Variants in TENM4 observed in about 807,000 individuals in gnomAD.
The protein encoded by TENM4 is teneurin-4.
In TENM4, 82 loss-of-function variants were observed where a neutral mutation model predicts 243.3. That is an observed-to-expected ratio of 0.34 (90% confidence interval 0.28 to 0.40). The LOEUF is 0.40. Among genes scored for constraint, TENM4 ranks in the 10% least tolerant of loss-of-function variants. The probability of loss-of-function intolerance (pLI) is 1.00; values close to 1 mark genes in which losing one functional copy is unlikely to be tolerated. For missense variants in TENM4, 3,138 were observed against 3,673.3 expected (o/e 0.85, Z 3.77); for synonymous variants, 1,412 against 1,456.3 (o/e 0.97, Z 0.69).
chr11:79,108,857 C>T (rs535935073), intron 4 of TENM4, among the ~76,000 whole-genome samples: 1 of 152,294 alleles, frequency 6.6e-6, no homozygotes, highest in South Asian at 2.1e-4. Context: ...TGGGCTCCTG[C>T]CCAGTTCCCT....
At chr11:79,094,830 T>C (rs1861041298) in intron 4 of TENM4, among the ~76,000 whole-genome samples, 1 of 152,134 alleles carries the variant, frequency 6.6e-6, no homozygotes, top group Admixed American at 6.5e-5. Context: ...CCAGGGAGTT[T>C]GCGGAAGATT....
At position 78,784,489 on chromosome 11, in the gene TENM4, A is replaced by G. The variant is rs114094878; in HGVS notation, c.2365+2409T>C. Among the ~76,000 whole-genome samples the G allele has an allele frequency of 4.4e-3, 672 of 152,312 alleles. 3 individuals are homozygous for G. The highest frequency in any genetic ancestry group is 0.015 in the African/African-American group (630 of 41,546). On this transcript the variant is annotated intron_variant, in intron 16 of 33. Coordinates refer to ENST00000278550, the MANE Select transcript of TENM4 (RefSeq NM_001098816.3). ...CAGAGAGAAGGTTACCATGCAGGAA[A>G]ATTAGACAAGGACGAAGAAAATGCT...
intron 1 of TENM4, among the ~76,000 whole-genome samples, chr11:79,407,314 T>C (rs1858594370): frequency 6.6e-6 from 1 of 152,242 alleles, no homozygotes; most frequent in South Asian, 2.1e-4. Context: ...TAATGAGGGA[T>C]ATAATTTAAA....
At chr11:78,868,058 G>C (rs907790106) in intron 9 of TENM4, among the ~76,000 whole-genome samples, 1 of 130,278 alleles carries the variant, frequency 7.7e-6, no homozygotes, top group Non-Finnish European at 1.6e-5. Flanking sequence ...AAATGATTTG[G>C]AAGACAGAGC....
chr11:78,906,564 C>T (rs1856066852), intron 6 of TENM4, among the ~76,000 whole-genome samples: 1 of 152,208 alleles, frequency 6.6e-6, no homozygotes. Flanking sequence ...TAAAAACTAA[C>T]TTCTAAAAGG....
chr11:79,214,691 C>G (rs1201227030), intron 3 of TENM4, among the ~76,000 whole-genome samples: 1 of 152,186 alleles, frequency 6.6e-6, no homozygotes, highest in Non-Finnish European at 1.5e-5. Flanking sequence ...CAGGCAGGAC[C>G]ACAGGGCTAG....
At position 79,438,166 on chromosome 11, in the gene TENM4, G is replaced by T. The variant is rs1194387580; in HGVS notation, c.-321+2343C>A. Among the ~76,000 whole-genome samples, 1 of 152,252 alleles carries T rather than the reference G, an allele frequency of 6.6e-6. No individual in the cohort carries two copies. The highest frequency in any genetic ancestry group is 1.9e-4 in the East Asian group (1 of 5,162). On this transcript the variant is annotated intron_variant, in intron 1 of 33. Transcript: ENST00000278550. This position sits in a 1 kb window ranked among gnomAD's most constrained non-coding sequence, Gnocchi z 4.1. ...CCATCTCCTGACTGCGGGCTGGGGG[G>T]AAGGGAGTTCAGGGCCAATGTGTCC...
intron 6 of TENM4, among the ~76,000 whole-genome samples, chr11:78,998,102 T>C (rs1858223055): frequency 6.6e-6 from 1 of 152,242 alleles, no homozygotes; most frequent in Non-Finnish European, 1.5e-5. Context: ...CTGTCTGTTG[T>C]TCAAGCCACT....
At chr11:78,674,469 G>A (rs1358500959) in intron 30 of TENM4, among the ~76,000 whole-genome samples, 1 of 152,306 alleles carries the variant, frequency 6.6e-6, no homozygotes. Context: ...CATGCTAATC[G>A]CTGCCATTTA....
chr11:78,774,888 T>C (rs11237617), intron 17 of TENM4, among the ~76,000 whole-genome samples: 1 of 152,200 alleles, frequency 6.6e-6, no homozygotes, highest in Non-Finnish European at 1.5e-5. Context: ...ATGAGATATA[T>C]CATCTGCCCT....
At chr11:78,936,976 A>G (rs1333728597) in intron 6 of TENM4, among the ~76,000 whole-genome samples, 1 of 152,212 alleles carries the variant, frequency 6.6e-6, no homozygotes, top group Non-Finnish European at 1.5e-5. Flanking sequence ...CTTGATTGAA[A>G]AGTGACACTT....
chr11:79,084,654 A>G (rs751160415), intron 4 of TENM4, among the ~76,000 whole-genome samples: 3 of 142,324 alleles, frequency 2.1e-5, no homozygotes, highest in Non-Finnish European at 3.1e-5. Flanking sequence ...TAAAAGAAAA[A>G]TGATAAAACT....
chr11:79,243,061 C>A (rs150113256), intron 2 of TENM4, among the ~76,000 whole-genome samples: 2 of 152,140 alleles, frequency 1.3e-5, no homozygotes, highest in Non-Finnish European at 2.9e-5. Flanking sequence ...GGATTTCCAT[C>A]CCCCTTTCTG....
At chr11:79,439,585 CAAG>C (rs1356736127) in intron 1 of TENM4, among the ~76,000 whole-genome samples, 3 of 151,806 alleles carry the variant, frequency 2.0e-5, no homozygotes, top group Admixed American at 6.5e-5. Context: ...ACCCCCCCGC[CAAG>C]AAGGACTCAC....
chr11:79,236,282 C>T lies in TENM4; in HGVS notation c.-264-20373G>A, dbSNP rs1204955841. Among the ~76,000 whole-genome samples, 5 of 152,194 alleles carry T rather than the reference C, an allele frequency of 3.3e-5. No individual in the cohort carries two copies. In the East Asian group the frequency reaches 5.8e-4, roughly 18 times the overall value. ...CACCTCGTTATTTGTGGAAATCCTTCGGATGCCTGTTTGAGACATTCCTGC... is the reference window on the plus strand; with the variant it reads ...CACCTCGTTATTTGTGGAAATCCTTTGGATGCCTGTTTGAGACATTCCTGC... On this transcript the variant is annotated intron_variant, in intron 2 of 33. Transcript: ENST00000278550.
chr11:79,132,802 C>A (rs1242802632), intron 4 of TENM4, among the ~76,000 whole-genome samples: 1 of 152,040 alleles, frequency 6.6e-6, no homozygotes, highest in Non-Finnish European at 1.5e-5. Flanking sequence ...AACTTAACGA[C>A]AATAATGACA....
At chr11:79,230,571 C>T (rs1248648259) in intron 2 of TENM4, among the ~76,000 whole-genome samples, 1 of 152,170 alleles carries the variant, frequency 6.6e-6, no homozygotes. Flanking sequence ...TTCCTTCACC[C>T]GATAATGGAA....
chr11:79,107,305 A>G (rs1410010238), intron 4 of TENM4, among the ~76,000 whole-genome samples: 1 of 149,820 alleles, frequency 6.7e-6, no homozygotes, highest in Non-Finnish European at 1.5e-5. Context: ...AATCATAATC[A>G]TAGTGGCATT....
chr11:79,440,016 C>T lies in TENM4; in HGVS notation c.-321+493G>A, dbSNP rs2135634597. Among the ~76,000 whole-genome samples the T allele has an allele frequency of 6.6e-6, 1 of 152,158 alleles. No homozygotes were observed. Among genetic ancestry groups the T allele is most frequent in the African/African-American group, 2.4e-5 (1 of 41,554 alleles). On this transcript the variant is annotated intron_variant, in intron 1 of 33. Coordinates refer to ENST00000278550, the MANE Select transcript of TENM4 (RefSeq NM_001098816.3). The surrounding 1 kb of genome is among the most constrained non-coding windows in gnomAD (Gnocchi z 4.7). ...ATCTGAGCTCCAACCACCGCCCGTG[C>T]GGGGCTGCTGCAGCCGGCACTTGCC...
Sources: allele counts gnomAD v4.1 joint callset (sites outside exome capture counted in the v4.1 genomes callset), GRCh38; gene constraint gnomAD v4.1.1; non-coding constraint Gnocchi (gnomAD v3.1); transcripts MANE v1.5; gene names NCBI Gene and HGNC (gene_info 2026-07-23, HGNC 2026-07-21).